Variants in PTPN4 observed in about 807,000 individuals in gnomAD.
PTPN4 encodes the protein protein tyrosine phosphatase non-receptor type 4.
A neutral mutation model predicts 135.5 loss-of-function variants in PTPN4; 49 were observed. The observed-to-expected ratio is 0.36, with a 90% CI of 0.29 to 0.46. The LOEUF (loss-of-function observed/expected upper bound fraction) is 0.46, where lower values mean the gene tolerates loss of function less well. PTPN4 is among the 20% of genes least tolerant of loss of function. The pLI is 1.00. For synonymous variants in PTPN4, 333 were observed against 369.9 expected, an observed-to-expected ratio of 0.90 and a Z score of 1.14; for missense variants, 860 against 1,101.0, an observed-to-expected ratio of 0.78 and a Z score of 3.10.
rs1416501294 is a variant in PTPN4 at position 119,882,490 on chromosome 2, C to A, written c.467-13C>A. The A allele has an allele frequency of 1.3e-6, 2 of 1,496,822 alleles. No individual in the cohort carries two copies. Among genetic ancestry groups the A allele is most frequent in the South Asian group, 1.3e-5 (1 of 76,296 alleles). 92.7% of individuals were successfully genotyped at this position (1,496,822 alleles called of 1,614,324 possible). On this transcript the variant is annotated splice_polypyrimidine_tract_variant and intron_variant, in intron 7 of 26. Transcript: ENST00000263708. ...TGTTTATTAAAATGTGAATGTTTTC[C>A]TTTCATTATTAGCTGAACTTGGAGA...
chr2:119,762,273 T>TA (rs1011860003), intron 1 of PTPN4, among the ~76,000 whole-genome samples: 34 of 151,010 alleles, frequency 2.3e-4, no homozygotes, highest in African/African-American at 7.5e-4. Flanking sequence ...TGCCTAACTT[T>TA]AAAAAAAAAG....
intron 12 of PTPN4, among the ~76,000 whole-genome samples, chr2:119,920,608 T>C (rs748791603): frequency 7.9e-5 from 12 of 152,356 alleles, no homozygotes; most frequent in Non-Finnish European, 1.3e-4. Context: ...CCTAAAACTA[T>C]ATAATTATTG....
chr2:119,774,350 A>G (rs1690792180), intron 1 of PTPN4, among the ~76,000 whole-genome samples: 1 of 152,236 alleles, frequency 6.6e-6, no homozygotes, highest in South Asian at 2.1e-4. Flanking sequence ...AAATGAATCC[A>G]GGATAAAGAC....
At chr2:119,766,005 T>G (rs1690611654) in intron 1 of PTPN4, among the ~76,000 whole-genome samples, 2 of 151,888 alleles carry the variant, frequency 1.3e-5, no homozygotes, top group South Asian at 4.2e-4. Context: ...GGGCAATGAG[T>G]GGGATCATTT....
In PTPN4 at chr2:119,839,093, C is replaced by G. The variant is rs568404698; in HGVS notation, c.139-23443C>G. Among the ~76,000 whole-genome samples the G allele has an allele frequency of 5.3e-5, 8 of 152,260 alleles. No homozygotes were observed. The South Asian group carries it at 1.7e-3, about 32-fold the overall frequency. ...ACTCCCCTATTTCAGGAGGGTTTTT[C>G]TAGCACTCTTGAGTGAATTAAGGGT... On this transcript the variant is annotated intron_variant, in intron 2 of 26. Coordinates refer to ENST00000263708, the MANE Select transcript of PTPN4 (RefSeq NM_002830.4).
chr2:119,962,770 T>G, intron 24 of PTPN4, 26 bp downstream of exon 24: 1 of 1,525,226 alleles, frequency 6.6e-7, no homozygotes, highest in Non-Finnish European at 8.9e-7. Context: ...ATCTGTTCAT[T>G]AGAACTGTTG....
chr2:119,775,833 A>G (rs1464074212), intron 1 of PTPN4, among the ~76,000 whole-genome samples: 2 of 150,438 alleles, frequency 1.3e-5, no homozygotes, highest in Admixed American at 6.6e-5. Context: ...ATCTATATCT[A>G]TATCTATATA....
intron 2 of PTPN4, among the ~76,000 whole-genome samples, chr2:119,848,790 G>A (rs546731229): frequency 4.6e-5 from 7 of 151,694 alleles, no homozygotes; most frequent in South Asian, 4.2e-4. Flanking sequence ...TAGTAGAGAC[G>A]GGGTTTCACA....
chr2:119,958,645 C>A (rs1005384949), intron 22 of PTPN4, among the ~76,000 whole-genome samples: 6 of 152,158 alleles, frequency 3.9e-5, no homozygotes, highest in African/African-American at 1.2e-4. Flanking sequence ...AAATTAGAGA[C>A]TATTTAATCA....
At chr2:119,926,274 C>T (rs1678823478) in intron 12 of PTPN4, among the ~76,000 whole-genome samples, 1 of 152,172 alleles carries the variant, frequency 6.6e-6, no homozygotes, top group Non-Finnish European at 1.5e-5. Context: ...CTAGACAAAT[C>T]AGCTTGAAAA....
intron 1 of PTPN4, among the ~76,000 whole-genome samples, chr2:119,796,282 C>A (rs1691257469): frequency 6.6e-6 from 1 of 152,208 alleles, no homozygotes; most frequent in Non-Finnish European, 1.5e-5. Flanking sequence ...ACCACCACTA[C>A]AATAAAAATA....
In PTPN4 at chr2:119,873,369, A is replaced by G. The variant is rs144859523; in HGVS notation, c.247-3954A>G. On this transcript the variant is annotated intron_variant, in intron 3 of 26. Transcript: ENST00000263708. ...ACTTGTCACATAGAAGTGCACCTCA[A>G]TGAAATAACCAGTGGATTTCTTAGT... is the stretch of plus-strand genomic sequence containing the variant. 3.3e-3 allele frequency among the ~76,000 whole-genome samples: 508 copies of G among 152,310 alleles called. 2 individuals are homozygous for G. Among genetic ancestry groups the G allele is most frequent in the African/African-American group, 0.011 (469 of 41,576 alleles).
Position 119,810,078 on chromosome 2 carries a change from G to C in PTPN4, c.138+87G>C, listed in dbSNP as rs1416635154. ...TGTAAACTAGGATTATTAAATTATA[G>C]TACAGTTTGAAAAGTCTTATTCAAG... On this transcript the variant is annotated intron_variant, in intron 2 of 26. Coordinates refer to ENST00000263708, the MANE Select transcript of PTPN4 (RefSeq NM_002830.4). The C allele has an allele frequency of 2.1e-6, 3 of 1,402,416 alleles. No homozygotes were observed. In the African/African-American group the frequency reaches 4.4e-5, roughly 20 times the overall value. The allele number at this position is 1,402,416 out of a possible 1,614,324, so 86.9% of individuals were successfully genotyped here. A position where few individuals can be genotyped will look rare whatever the true frequency, so the allele number is the denominator to read the frequency against.
chr2:119,962,505 T>G (rs1443933869), intron 23 of PTPN4, 111 bp from the exon 24 acceptor site: 13 of 635,432 alleles, frequency 2.0e-5, no homozygotes, highest in Non-Finnish European at 2.7e-5. Flanking sequence ...ATTAAATTTT[T>G]CTTGTAACTT....
chr2:119,840,348 G>T (rs185067734), intron 2 of PTPN4, among the ~76,000 whole-genome samples: 53 of 152,294 alleles, frequency 3.5e-4, no homozygotes, highest in African/African-American at 1.3e-3. Context: ...ACTTACAAGT[G>T]AGAACATACG....
At chr2:119,771,462 A>C (rs897156701) in intron 1 of PTPN4, 1 of 151,942 alleles carries the variant, frequency 6.6e-6, no homozygotes, top group Non-Finnish European at 1.5e-5. Flanking sequence ...AAATTCCTGT[A>C]CTCCAATCTT....
chr2:119,777,274 C>T (rs1027740630), intron 1 of PTPN4, among the ~76,000 whole-genome samples: 1 of 152,182 alleles, frequency 6.6e-6, no homozygotes, highest in Non-Finnish European at 1.5e-5. Flanking sequence ...ACATGGCTCA[C>T]TCTTTTACTT....
intron 3 of PTPN4, among the ~76,000 whole-genome samples, chr2:119,864,369 G>GT (rs1558748652): frequency 6.6e-6 from 1 of 152,098 alleles, no homozygotes; most frequent in African/African-American, 2.4e-5. Flanking sequence ...CAGATATAAG[G>GT]TTTTTTTCCT....
chr2:119,766,322 A>G (rs1391930497), intron 1 of PTPN4, among the ~76,000 whole-genome samples: 1 of 152,244 alleles, frequency 6.6e-6, no homozygotes, highest in South Asian at 2.1e-4. Flanking sequence ...TCAGAAATAA[A>G]TATCAAATCC....
Sources: allele counts gnomAD v4.1 joint callset (sites outside exome capture counted in the v4.1 genomes callset), GRCh38; gene constraint gnomAD v4.1.1; transcripts MANE v1.5; gene names NCBI Gene and HGNC (gene_info 2026-07-23, HGNC 2026-07-21).